ARHGAP42: variants seen among roughly 807,000 people sequenced by gnomAD.
The protein encoded by ARHGAP42 is Rho GTPase activating protein 42.
Under a neutral mutation model 125.0 loss-of-function variants are expected in ARHGAP42, and 63 were observed. The ratio of observed to expected loss-of-function variants is 0.50; its 90% CI spans 0.41 to 0.62. The LOEUF (loss-of-function observed/expected upper bound fraction) is 0.62. Ranked by LOEUF, ARHGAP42 falls within the 20% of genes least tolerant of loss-of-function variation. The pLI, the probability that ARHGAP42 is intolerant of heterozygous loss-of-function variation, is 0.00. For synonymous variants in ARHGAP42, 339 were observed against 351.0 expected (o/e 0.97, Z 0.38); for missense variants, 766 against 1,024.2 (o/e 0.75, Z 3.44).
At chr11:100,798,296 A>C (rs1290352494) in intron 3 of ARHGAP42, among the ~76,000 whole-genome samples, 1 of 152,246 alleles carries the variant, frequency 6.6e-6, no homozygotes, top group Non-Finnish European at 1.5e-5. Flanking sequence ...GTAAAATGCT[A>C]TCAAACTGTA....
At chr11:100,850,873 CTTTTTTTTTTTTTTT>C (rs201814102) in intron 3 of ARHGAP42, among the ~76,000 whole-genome samples, 8 of 94,508 alleles carry the variant, frequency 8.5e-5, no homozygotes, top group Admixed American at 5.1e-4. Context: ...TAGTAGCTTT[CTTTTTTTTTTTTTTT>C]TTTTTTTTTT....
At chr11:100,767,761 T>C (rs1862864896) in intron 1 of ARHGAP42, among the ~76,000 whole-genome samples, 1 of 152,146 alleles carries the variant, frequency 6.6e-6, no homozygotes, top group African/African-American at 2.4e-5. Flanking sequence ...CATTTAGGGC[T>C]TCAAATCCAG....
In ARHGAP42 at chr11:100,990,554, A is replaced by C. The variant is rs1023862263; in HGVS notation, c.*1753A>C. ...GTAATAAAAATTAGCAATGTAATGT[A>C]AACGTTTGATAAAAGAGTATCTTTT... is the stretch of plus-strand genomic sequence containing the variant. On this transcript the variant is annotated 3_prime_UTR_variant, in exon 24 of 24. Transcript: ENST00000298815. The C allele has an allele frequency of 6.6e-6, 1 of 152,376 alleles. No individual in the cohort carries two copies. Among genetic ancestry groups the C allele is most frequent in the East Asian group, 1.9e-4 (1 of 5,178 alleles). The allele number at this position is 152,376 out of a possible 1,614,324, so 9.4% of individuals were successfully genotyped here.
In ARHGAP42 at chr11:100,971,654, T is replaced by C. The variant is rs1858251608; in HGVS notation, c.1551-1521T>C. On this transcript the variant is annotated intron_variant, in intron 17 of 23. Coordinates refer to ENST00000298815, the MANE Select transcript of ARHGAP42 (RefSeq NM_152432.4). ...TTGAGATTCCCAAGTTTACTCCTAA[T>C]GAGCTTAATATTAACTATATTCCAC... Among the ~76,000 whole-genome samples the C allele has an allele frequency of 2.6e-5, 4 of 152,340 alleles. No individual in the cohort carries two copies. In the South Asian group the frequency reaches 8.3e-4, roughly 32 times the overall value.
At chr11:100,895,223 A>G (rs1176492885) in intron 4 of ARHGAP42, among the ~76,000 whole-genome samples, 1 of 148,240 alleles carries the variant, frequency 6.7e-6, no homozygotes, top group Non-Finnish European at 1.5e-5. Flanking sequence ...GCTAAACATC[A>G]TTCATTCATT....
At chr11:100,736,973 G>A (rs1862081197) in intron 1 of ARHGAP42, among the ~76,000 whole-genome samples, 1 of 152,076 alleles carries the variant, frequency 6.6e-6, no homozygotes, top group Non-Finnish European at 1.5e-5. Context: ...TAGAATTTGG[G>A]GCATCCTATA....
Position 100,799,521 on chromosome 11 carries a change from G to A in ARHGAP42, c.312+4355G>A, listed in dbSNP as rs190002668. On this transcript the variant is annotated intron_variant, in intron 3 of 23. Coordinates refer to ENST00000298815, the MANE Select transcript of ARHGAP42 (RefSeq NM_152432.4). ...AGTCTAACTTCCACAGGGAGAATTG[G>A]GTAGTATGTGCACTTGTGTTCAACA... is the stretch of plus-strand genomic sequence containing the variant. Among the ~76,000 whole-genome samples, 5 of 152,280 alleles carry A rather than the reference G, an allele frequency of 3.3e-5. No homozygotes were observed. In the East Asian group the frequency reaches 7.7e-4, roughly 23 times the overall value.
intron 4 of ARHGAP42, among the ~76,000 whole-genome samples, chr11:100,868,395 T>C (rs181677723): frequency 1.8e-4 from 27 of 152,356 alleles, no homozygotes; most frequent in Non-Finnish European, 2.9e-4. Flanking sequence ...TCCTTTATTT[T>C]AGTTAACCAG....
intron 3 of ARHGAP42, among the ~76,000 whole-genome samples, chr11:100,821,396 A>G (rs1844210141): frequency 1.3e-5 from 2 of 152,098 alleles, no homozygotes; most frequent in South Asian, 4.2e-4. Context: ...TGCCTTCTTT[A>G]GAAGGAAGTG....
At chr11:100,938,447 C>T (rs1221115892) in intron 8 of ARHGAP42, among the ~76,000 whole-genome samples, 1 of 152,086 alleles carries the variant, frequency 6.6e-6, no homozygotes, top group African/African-American at 2.4e-5. Flanking sequence ...TTTCCTCCCC[C>T]AAGACAATTT....
chr11:100,784,272 G>T (rs58746207), intron 2 of ARHGAP42, among the ~76,000 whole-genome samples: 9 of 152,266 alleles, frequency 5.9e-5, no homozygotes, highest in Admixed American at 5.9e-4. Context: ...CATCATGGGG[G>T]CCTCAAATTA....
chr11:100,778,864 A>G (rs547393605), intron 2 of ARHGAP42, among the ~76,000 whole-genome samples: 1 of 152,314 alleles, frequency 6.6e-6, no homozygotes, highest in East Asian at 1.9e-4. Flanking sequence ...GATAGACATT[A>G]ATCCCCTAAA....
intron 1 of ARHGAP42, among the ~76,000 whole-genome samples, chr11:100,752,227 T>C (rs993218412): frequency 6.6e-6 from 1 of 152,166 alleles, no homozygotes; most frequent in Admixed American, 6.5e-5. Flanking sequence ...AGGTTATCTA[T>C]AGGTGCACCC....
intron 4 of ARHGAP42, among the ~76,000 whole-genome samples, chr11:100,897,772 C>G (rs1866404309): frequency 1.3e-5 from 2 of 152,186 alleles, no homozygotes; most frequent in Non-Finnish European, 2.9e-5. Flanking sequence ...AGTATACAGT[C>G]ATGTCATCTG....
At chr11:100,851,008 A>G (rs916781796) in intron 3 of ARHGAP42, among the ~76,000 whole-genome samples, 4 of 150,998 alleles carry the variant, frequency 2.6e-5, no homozygotes, top group African/African-American at 7.3e-5. Flanking sequence ...CAGTCTCCCA[A>G]GTAGCTTGGA....
At position 100,991,855 on chromosome 11, in the gene ARHGAP42, G is replaced by C. The variant is rs1858838704; in HGVS notation, c.*3054G>C. Reference sequence around the variant, plus strand: ...GATTTGTCTGCTGACTCTTTTCAGAGATAGTGAAGGAAAAAAAATGTATTA... The same window carrying C: ...GATTTGTCTGCTGACTCTTTTCAGACATAGTGAAGGAAAAAAAATGTATTA... On this transcript the variant is annotated 3_prime_UTR_variant, in exon 24 of 24. Coordinates refer to ENST00000298815, the MANE Select transcript of ARHGAP42 (RefSeq NM_152432.4). 6.6e-6 allele frequency: 1 copy of C among 152,016 alleles called. No homozygotes were observed. The highest frequency in any genetic ancestry group is 2.0e-4 in the South Asian group (1 of 4,892). 9.4% of individuals were successfully genotyped at this position (152,016 alleles called of 1,614,324 possible). A position where few individuals can be genotyped will look rare whatever the true frequency, so the allele number is the denominator to read the frequency against.
intron 17 of ARHGAP42, among the ~76,000 whole-genome samples, chr11:100,967,368 G>C (rs1383179662): frequency 6.6e-6 from 1 of 151,984 alleles, no homozygotes; most frequent in Non-Finnish European, 1.5e-5. Context: ...ATATATTGTG[G>C]GTGGACTTAT....
At chr11:100,701,423 C>T (rs773466493) in intron 1 of ARHGAP42, among the ~76,000 whole-genome samples, 20 of 152,192 alleles carry the variant, frequency 1.3e-4, no homozygotes, top group Non-Finnish European at 2.1e-4. Flanking sequence ...TCCTACATGG[C>T]ATCTTCTTCC....
Position 100,936,416 on chromosome 11 carries a change from A to G in ARHGAP42, c.832+84A>G, listed in dbSNP as rs903466718. On this transcript the variant is annotated intron_variant, in intron 8 of 23. Transcript: ENST00000298815. The stretch of plus-strand genomic sequence containing the variant: ...GACTTGGTTAGTAGTATTTCCTTCA[A>G]GTAGGAGGACTGAAATTTCTTATAG... 3.5e-5 allele frequency: 53 copies of G among 1,493,500 alleles called. No homozygotes were observed. The Admixed American group carries it at 4.2e-4, about 12-fold the overall frequency. 92.5% of individuals were successfully genotyped at this position (1,493,500 alleles called of 1,614,324 possible).
Sources: gnomAD v4.1 joint callset for allele counts (sites outside exome capture counted in the v4.1 genomes callset) on GRCh38, gnomAD v4.1.1 for gene constraint, MANE v1.5 for transcripts, NCBI Gene and HGNC (gene_info 2026-07-23, HGNC 2026-07-21) for gene names.